The following MRC2 variants were observed in gnomAD, a reference collection of about 807,000 sequenced individuals.
MRC2 encodes C-type mannose receptor 2.
In MRC2, 84 loss-of-function variants were observed where a neutral mutation model predicts 206.2. That is an observed-to-expected ratio of 0.41 (90% CI 0.34 to 0.49). The LOEUF is 0.49. Ranked by LOEUF, MRC2 falls within the 20% of genes least tolerant of loss-of-function variation. The pLI is 0.31. For missense variants in MRC2, 1,676 were observed against 2,001.5 expected, an observed-to-expected ratio of 0.84 and a Z score of 3.10; for synonymous variants, 798 against 800.0, an observed-to-expected ratio of 1.00 and a Z score of 0.04.
chr17:62,643,391 C>T (rs1008615243), intron 1 of MRC2, among the ~76,000 whole-genome samples: 1 of 149,316 alleles, frequency 6.7e-6, no homozygotes, highest in Admixed American at 6.7e-5. Flanking sequence ...AAAGACACAA[C>T]TCATCTGTGC....
intron 1 of MRC2, among the ~76,000 whole-genome samples, chr17:62,655,519 G>A (rs2088607712): frequency 6.6e-6 from 1 of 150,908 alleles, no homozygotes; most frequent in East Asian, 1.9e-4. Context: ...TCCAGCCTGG[G>A]CAACAGAGCG....
Position 62,664,580 on chromosome 17 carries a change from C to G in MRC2, c.151C>G (p.Leu51Val). ...PNVFLIFSHG[L>V]QGCLEAQGGQ... ...CGTCTTCCTCATCTTCAGCCATGGACTGCAGGGCTGCCTGGAGGCCCAGGG... is the reference window on the plus strand; with the variant it reads ...CGTCTTCCTCATCTTCAGCCATGGAGTGCAGGGCTGCCTGGAGGCCCAGGG... Residue 51 changes from leucine to valine, a missense_variant, in exon 2 of 30, where the codon CTG (leucine) becomes GTG (valine). This residue lies in a region of MRC2 where 318 missense variants were observed against 346.7 expected (regional missense o/e 0.92). Transcript: ENST00000303375. This position sits in a 1 kb window ranked among gnomAD's most constrained non-coding sequence, Gnocchi z 4.7. 6.2e-7 allele frequency: 1 copy of G among 1,613,264 alleles called. No individual in the cohort carries two copies. The highest frequency in any genetic ancestry group is 1.7e-4 in the Middle Eastern group (1 of 6,056).
In MRC2 at chr17:62,652,561, G is replaced by A. The variant is rs1194148936; in HGVS notation, c.119-11987G>A. ...CCGTCGTTGTGAAAATTCCCCCCACGGGGAAGGAAGTGGCTCTTGGGCTGT... is the reference window on the plus strand; with the variant it reads ...CCGTCGTTGTGAAAATTCCCCCCACAGGGAAGGAAGTGGCTCTTGGGCTGT... On this transcript the variant is annotated intron_variant, in intron 1 of 29. Coordinates refer to ENST00000303375, the MANE Select transcript of MRC2 (RefSeq NM_006039.5). The surrounding 1 kb of genome is among the most constrained non-coding windows in gnomAD (Gnocchi z 4.6). 6.6e-6 allele frequency among the ~76,000 whole-genome samples: 1 copy of A among 152,224 alleles called. No individual in the cohort carries two copies. The highest frequency in any genetic ancestry group is 1.5e-5 in the Non-Finnish European group (1 of 68,038).
intron 21 of MRC2, 31 bp downstream of exon 21, chr17:62,688,434 T>C: frequency 6.2e-7 from 1 of 1,614,072 alleles, no homozygotes; most frequent in Non-Finnish European, 8.5e-7. Context: ...GCCCCCAGTA[T>C]CCTCTGACAC....
At chr17:62,640,162 C>T (rs774674471) in intron 1 of MRC2, among the ~76,000 whole-genome samples, 26 of 151,758 alleles carry the variant, frequency 1.7e-4, no homozygotes, top group Admixed American at 3.3e-4. Context: ...TGAGCCACCA[C>T]GCCTGGCCAG....
At chr17:62,669,807 C>G (rs1459666482) in intron 6 of MRC2, among the ~76,000 whole-genome samples, 2 of 152,212 alleles carry the variant, frequency 1.3e-5, no homozygotes, top group Non-Finnish European at 2.9e-5. Flanking sequence ...TCACCCGCCT[C>G]GGCCTCCCAA....
chr17:62,663,056 T>A (rs1225418388), intron 1 of MRC2, among the ~76,000 whole-genome samples: 2 of 152,228 alleles, frequency 1.3e-5, no homozygotes, highest in African/African-American at 4.8e-5. Flanking sequence ...ATGTGTGTTG[T>A]GTACATAAGT....
chr17:62,644,689 G>A (rs2147441153), intron 1 of MRC2, among the ~76,000 whole-genome samples: 1 of 152,296 alleles, frequency 6.6e-6, no homozygotes, highest in South Asian at 2.1e-4. Flanking sequence ...GGATGAGCAT[G>A]TGACTCCTCA....
At chr17:62,678,963 A>G (rs987229689) in intron 13 of MRC2, among the ~76,000 whole-genome samples, 16 of 151,684 alleles carry the variant, frequency 1.1e-4, no homozygotes, top group African/African-American at 3.9e-4. Context: ...CCATTGCAAA[A>G]TCTCCCACAT....
At position 62,645,803 on chromosome 17, in the gene MRC2, G is replaced by T. The variant is rs182894413; in HGVS notation, c.118+17883G>T. On this transcript the variant is annotated intron_variant, in intron 1 of 29. Coordinates refer to ENST00000303375, the MANE Select transcript of MRC2 (RefSeq NM_006039.5). ...AATCCACCTGCCTCAGCTTCCCAAA[G>T]TGCTGGGATTACAGGTGTGAGCCAC... Among the ~76,000 whole-genome samples the T allele has an allele frequency of 3.8e-3, 568 of 151,322 alleles. 4 individuals carry two copies. Among genetic ancestry groups the T allele is most frequent in the African/African-American group, 0.013 (542 of 41,294 alleles).
At position 62,664,475 on chromosome 17, in the gene MRC2, T is replaced by A; in HGVS notation, c.119-73T>A. 2 of 1,506,936 alleles carry A rather than the reference T, an allele frequency of 1.3e-6. No individual in the cohort carries two copies. Among genetic ancestry groups the A allele is most frequent in the Non-Finnish European group, 1.8e-6 (2 of 1,117,190 alleles). 93.3% of individuals were successfully genotyped at this position (1,506,936 alleles called of 1,614,324 possible). ...GCACTGGGCACATGGTAGGTGCCTG[T>A]CAGCCACACCGGTCATCAAGGGCCA... On this transcript the variant is annotated intron_variant, in intron 1 of 29. Coordinates refer to ENST00000303375, the MANE Select transcript of MRC2 (RefSeq NM_006039.5). This position sits in a 1 kb window ranked among gnomAD's most constrained non-coding sequence, Gnocchi z 4.7.
chr17:62,629,182 C>T (rs1273307704), intron 1 of MRC2, among the ~76,000 whole-genome samples: 2 of 152,236 alleles, frequency 1.3e-5, no homozygotes, highest in Non-Finnish European at 2.9e-5. Flanking sequence ...GGCAGTTCCC[C>T]TACCTCCTCG....
At chr17:62,674,534 C>T (rs373546386) in intron 9 of MRC2, among the ~76,000 whole-genome samples, 27 of 152,264 alleles carry the variant, frequency 1.8e-4, no homozygotes, top group East Asian at 1.4e-3. Flanking sequence ...TGAAGTGTGG[C>T]CCCTGTGCAC....
intron 11 of MRC2, 159 bp downstream of exon 11, chr17:62,676,690 T>A (rs1249328455): frequency 1.2e-6 from 1 of 822,992 alleles, no homozygotes; most frequent in African/African-American, 1.7e-5. Flanking sequence ...ACTGCCTGGC[T>A]CCGATCATGA....
chr17:62,674,079 A>G lies in MRC2; in HGVS notation c.1478A>G (p.Asp493Gly). ...TGTCCGTAGGAAGGCCGCTGGAACG[A>G]CAGTCCCTGTAACCAGTCCTTGCCA... ...TIWGPEGRWN[D>G]SPCNQSLPSI... The change falls in exon 9 of 30, where the codon GAC (aspartate) becomes GGC (glycine). Residue 493 changes from aspartate (D) to glycine (G), a missense_variant. Asp to Gly is a moderately conservative substitution (Grantham distance 94). Coordinates refer to ENST00000303375, the MANE Select transcript of MRC2 (RefSeq NM_006039.5). 1 of 1,552,892 alleles carries G rather than the reference A, an allele frequency of 6.4e-7. No individual in the cohort carries two copies. Among genetic ancestry groups the G allele is most frequent in the East Asian group, 2.4e-5 (1 of 41,052 alleles).
intron 12 of MRC2, among the ~76,000 whole-genome samples, chr17:62,677,771 G>GC (rs1298965364): frequency 6.6e-6 from 1 of 152,210 alleles, no homozygotes; most frequent in Non-Finnish European, 1.5e-5. Flanking sequence ...TAAAATCTTG[G>GC]CCGGGCGCAG....
chr17:62,665,064 A>G, intron 2 of MRC2, 115 bp downstream of exon 2: 15 of 1,159,872 alleles, frequency 1.3e-5, no homozygotes, highest in Non-Finnish European at 1.8e-5. Flanking sequence ...CTTGGCAGTC[A>G]CATGTTTAAT....
chr17:62,680,620 G>C lies in MRC2; in HGVS notation c.2473+167G>C. On this transcript the variant is annotated intron_variant, in intron 16 of 29. Transcript: ENST00000303375. This position sits in a 1 kb window ranked among gnomAD's most constrained non-coding sequence, Gnocchi z 4.8. ...GGCAGCCACAGCCCTGTTTGCTTCC[G>C]TGTGGGAGGCGAGGCAAGCCTGGGG... 7.8e-7 allele frequency: 1 copy of C among 1,277,636 alleles called. No homozygotes were observed. 79.1% of individuals were successfully genotyped at this position (1,277,636 alleles called of 1,614,324 possible). A position where few individuals can be genotyped will look rare whatever the true frequency, so the allele number is the denominator to read the frequency against.
chr17:62,629,908 C>T (rs2084202932), intron 1 of MRC2, among the ~76,000 whole-genome samples: 1 of 152,124 alleles, frequency 6.6e-6, no homozygotes, highest in Admixed American at 6.5e-5. Flanking sequence ...TCCTGACCAC[C>T]ATGGGGGAGC....
Sources: allele counts gnomAD v4.1 joint callset (sites outside exome capture counted in the v4.1 genomes callset), GRCh38; gene constraint gnomAD v4.1.1; regional missense constraint gnomAD v4.1.1; non-coding constraint Gnocchi (gnomAD v3.1); transcripts MANE v1.5; gene names NCBI Gene and HGNC (gene_info 2026-07-23, HGNC 2026-07-21).